Variants in PARP8 observed in about 807,000 individuals in gnomAD.
PARP8 encodes the protein protein mono-ADP-ribosyltransferase PARP8.
Under a neutral mutation model 124.1 loss-of-function variants are expected in PARP8, and 51 were observed. That is an observed-to-expected ratio of 0.41 (90% CI 0.33 to 0.52). The LOEUF (loss-of-function observed/expected upper bound fraction) is 0.52. PARP8 is among the 20% of genes least tolerant of loss of function. The probability of loss-of-function intolerance (pLI) is 0.21; values close to 1 mark genes in which losing one functional copy is unlikely to be tolerated. For synonymous variants in PARP8, 391 were observed against 361.5 expected (o/e 1.08, Z -0.93); for missense variants, 860 against 1,018.9 (o/e 0.84, Z 2.12).
At position 50,821,332 on chromosome 5, in the gene PARP8, C is replaced by T. The variant is rs199874225; in HGVS notation, c.1788C>T (p.Asn596=). The T allele has an allele frequency of 2.8e-5, 45 of 1,613,996 alleles. No homozygotes were observed. The highest frequency in any genetic ancestry group is 3.3e-4 in the Middle Eastern group (2 of 6,058). ...ATGATCCTCAGATGTTGGCCTTCAA[C>T]CCCAGGGTAAGTTGTTATCATGGCA... ...DPNDPQMLAF[N]PRKKNYDRVM... Residue 596 remains asparagine, a synonymous_variant, in exon 16 of 26, where the codon AAC becomes AAT. Transcript: ENST00000281631.
At chr5:50,811,260 G>A (rs1435349676) in intron 14 of PARP8, among the ~76,000 whole-genome samples, 3 of 152,038 alleles carry the variant, frequency 2.0e-5, no homozygotes, top group Non-Finnish European at 4.4e-5. Flanking sequence ...AGTTGATTTA[G>A]AACTTTCAAG....
chr5:50,775,130 G>A (rs1739836624), intron 7 of PARP8, among the ~76,000 whole-genome samples: 1 of 152,118 alleles, frequency 6.6e-6, no homozygotes, highest in Non-Finnish European at 1.5e-5. Context: ...GCCAGGCAGA[G>A]ACACTCCTCA....
chr5:50,793,923 A>G (rs1018388011), intron 10 of PARP8, among the ~76,000 whole-genome samples: 7 of 152,006 alleles, frequency 4.6e-5, no homozygotes, highest in African/African-American at 1.2e-4. Flanking sequence ...TTATTCTTCT[A>G]TCATTTGAAT....
At chr5:50,722,742 G>A (rs1756029502) in intron 2 of PARP8, among the ~76,000 whole-genome samples, 1 of 152,096 alleles carries the variant, frequency 6.6e-6, no homozygotes, top group South Asian at 2.1e-4. Context: ...ATGTGTGGAT[G>A]TTATATGTGC....
At chr5:50,768,814 G>A (rs1369801057) in intron 7 of PARP8, among the ~76,000 whole-genome samples, 3 of 152,194 alleles carry the variant, frequency 2.0e-5, no homozygotes, top group East Asian at 3.9e-4. Flanking sequence ...CTGTAATCAC[G>A]CTTTGTAATC....
At chr5:50,765,947 A>G (rs1312234433) in intron 7 of PARP8, among the ~76,000 whole-genome samples, 1 of 152,216 alleles carries the variant, frequency 6.6e-6, no homozygotes, top group East Asian at 1.9e-4. Context: ...TGAAGAGCAA[A>G]AGTAACTCAA....
chr5:50,803,581 T>C (rs1470582829), intron 14 of PARP8, among the ~76,000 whole-genome samples: 4 of 152,178 alleles, frequency 2.6e-5, no homozygotes, highest in Non-Finnish European at 5.9e-5. Flanking sequence ...TCAAGTTCAC[T>C]GATTCTTTTT....
chr5:50,744,762 G>A, intron 2 of PARP8: 2 of 701,594 alleles, frequency 2.9e-6, no homozygotes, highest in East Asian at 5.4e-5. Flanking sequence ...CCAGGGATGT[G>A]AGGACAAAAG....
intron 14 of PARP8, among the ~76,000 whole-genome samples, chr5:50,798,049 A>G (rs1742754268): frequency 1.3e-5 from 2 of 152,174 alleles, no homozygotes; most frequent in African/African-American, 2.4e-5. Context: ...TTTGATATGA[A>G]TGGAATTGTA....
intron 2 of PARP8, among the ~76,000 whole-genome samples, chr5:50,686,126 C>G (rs1337952876): frequency 6.6e-6 from 1 of 152,214 alleles, no homozygotes; most frequent in Non-Finnish European, 1.5e-5. Context: ...GTCCCTTCCA[C>G]CTGTGAGCCT....
chr5:50,803,346 T>C (rs1037779616), intron 14 of PARP8, among the ~76,000 whole-genome samples: 5 of 152,190 alleles, frequency 3.3e-5, no homozygotes, highest in African/African-American at 1.2e-4. Flanking sequence ...ATTGGGTTTC[T>C]TGGAAGTGTA....
chr5:50,740,157 G>C (rs372062412), intron 2 of PARP8, among the ~76,000 whole-genome samples: 2 of 152,160 alleles, frequency 1.3e-5, no homozygotes, highest in African/African-American at 4.8e-5. Flanking sequence ...GAAAACAGGT[G>C]CCTTCTACTC....
intron 2 of PARP8, chr5:50,741,761 T>A (rs73101054): frequency 4.8e-6 from 2 of 413,276 alleles, no homozygotes; most frequent in Non-Finnish European, 9.4e-6. Context: ...TAGTAAAGGG[T>A]AATACGTAAT....
intron 14 of PARP8, among the ~76,000 whole-genome samples, chr5:50,805,679 T>C (rs1371104598): frequency 6.6e-6 from 1 of 152,126 alleles, no homozygotes; most frequent in East Asian, 1.9e-4. Context: ...TAGACCTTTT[T>C]TGTATTTCAA....
At chr5:50,702,430 A>G (rs1753695920) in intron 2 of PARP8, among the ~76,000 whole-genome samples, 1 of 152,092 alleles carries the variant, frequency 6.6e-6, no homozygotes, top group South Asian at 2.1e-4. Flanking sequence ...CTGCCTGGAG[A>G]GTTGAAAGTA....
intron 1 of PARP8, chr5:50,667,580 C>A (rs921135051): frequency 7.2e-6 from 5 of 698,766 alleles, no homozygotes; most frequent in Non-Finnish European, 1.3e-5. Context: ...GGGAATGGAG[C>A]CTGCTGCGCT....
intron 2 of PARP8, among the ~76,000 whole-genome samples, chr5:50,733,962 T>G (rs573231976): frequency 4.4e-4 from 67 of 152,178 alleles, no homozygotes; most frequent in Non-Finnish European, 9.0e-4. Flanking sequence ...TGTATAGCAT[T>G]TCCTTATTTT....
intron 2 of PARP8, among the ~76,000 whole-genome samples, chr5:50,718,431 G>T (rs1755538657): frequency 6.6e-6 from 1 of 151,898 alleles, no homozygotes; most frequent in African/African-American, 2.4e-5. Context: ...GTACACATAT[G>T]TGTGTGTATG....
chr5:50,825,641 G>A (rs1746259400), intron 18 of PARP8, among the ~76,000 whole-genome samples: 1 of 152,102 alleles, frequency 6.6e-6, no homozygotes, highest in Non-Finnish European at 1.5e-5. Context: ...GAAGACACTA[G>A]TTTCTACTCA....
Sources: gnomAD v4.1 joint callset for allele counts (sites outside exome capture counted in the v4.1 genomes callset) on GRCh38, gnomAD v4.1.1 for gene constraint, MANE v1.5 for transcripts, NCBI Gene and HGNC (gene_info 2026-07-23, HGNC 2026-07-21) for gene names.